Variants in RASGEF1C observed in about 807,000 individuals in gnomAD.
The protein encoded by RASGEF1C is ras-GEF domain-containing family member 1C.
Under a neutral mutation model 58.1 loss-of-function variants are expected in RASGEF1C, and 27 were observed. That is an observed-to-expected ratio of 0.46 (90% CI 0.34 to 0.64). The LOEUF (loss-of-function observed/expected upper bound fraction) is 0.64, where lower values mean the gene tolerates loss of function less well. Ranked by LOEUF, RASGEF1C falls within the 30% of genes least tolerant of loss-of-function variation. The pLI, the probability that RASGEF1C is intolerant of heterozygous loss-of-function variation, is 0.01. For synonymous variants in RASGEF1C, 243 were observed against 246.3 expected (o/e 0.99, Z 0.13); for missense variants, 502 against 605.1 (o/e 0.83, Z 1.79).
At chr5:180,130,460 A>G (rs1315472356) in intron 4 of RASGEF1C, among the ~76,000 whole-genome samples, 1 of 152,152 alleles carries the variant, frequency 6.6e-6, no homozygotes, top group Non-Finnish European at 1.5e-5. Flanking sequence ...TGGCCCTTCC[A>G]CGGACCTCCT....
chr5:180,165,644 C>T (rs1286733508), intron 1 of RASGEF1C, among the ~76,000 whole-genome samples: 1 of 147,340 alleles, frequency 6.8e-6, no homozygotes, highest in Non-Finnish European at 1.5e-5. Context: ...GCACTCCAGC[C>T]TGGGCAACAG....
chr5:180,126,165 T>C (rs1313964629), intron 6 of RASGEF1C, among the ~76,000 whole-genome samples: 1 of 152,290 alleles, frequency 6.6e-6, no homozygotes, highest in East Asian at 1.9e-4. Flanking sequence ...CCCAGCACTT[T>C]GGGAGGCCGA....
chr5:180,122,324 G>A (rs1158991729), intron 6 of RASGEF1C, among the ~76,000 whole-genome samples: 2 of 152,084 alleles, frequency 1.3e-5, no homozygotes, highest in Admixed American at 6.5e-5. Flanking sequence ...CTTGCTATGC[G>A]AACCTTTCCC....
At chr5:180,188,356 T>G (rs1385897937) in intron 1 of RASGEF1C, among the ~76,000 whole-genome samples, 1 of 152,218 alleles carries the variant, frequency 6.6e-6, no homozygotes. Flanking sequence ...CTAATGAGTA[T>G]AAAATGTTCT....
intron 1 of RASGEF1C, among the ~76,000 whole-genome samples, chr5:180,169,997 A>G (rs1461074056): frequency 6.6e-6 from 1 of 152,132 alleles, no homozygotes; most frequent in African/African-American, 2.4e-5. Flanking sequence ...CTGGCTGCCC[A>G]GCCGCTCTCC....
At chr5:180,121,330 T>C (rs532586689) in intron 6 of RASGEF1C, among the ~76,000 whole-genome samples, 181 bp from the exon 7 acceptor site, 2 of 152,208 alleles carry the variant, frequency 1.3e-5, no homozygotes, top group South Asian at 2.1e-4. Flanking sequence ...TTTTTTTTTT[T>C]TGAGACGGAG....
intron 11 of RASGEF1C, among the ~76,000 whole-genome samples, chr5:180,113,762 C>T (rs1224268629): frequency 6.0e-5 from 9 of 150,314 alleles, no homozygotes; most frequent in Non-Finnish European, 1.3e-4. Context: ...ACGGAGGGAC[C>T]GGGGATGGAC....
At position 180,143,982 on chromosome 5, in the gene RASGEF1C, C is replaced by T. The variant is rs1416637562; in HGVS notation, c.-6-5924G>A. Reference sequence around the variant, plus strand: ...CGAAGGCCCCTGTGAGGACCACGCGCGTGTCTCAGGAAGACACCTGTGAGC... The same window carrying T: ...CGAAGGCCCCTGTGAGGACCACGCGTGTGTCTCAGGAAGACACCTGTGAGC... On this transcript the variant is annotated intron_variant, in intron 1 of 13. Transcript: ENST00000361132. This position sits in a 1 kb window ranked among gnomAD's most constrained non-coding sequence, Gnocchi z 4.3. 4.6e-5 allele frequency among the ~76,000 whole-genome samples: 7 copies of T among 152,130 alleles called. No homozygotes were observed. Among genetic ancestry groups the T allele is most frequent in the East Asian group, 3.9e-4 (2 of 5,186 alleles).
intron 6 of RASGEF1C, among the ~76,000 whole-genome samples, chr5:180,125,912 G>A (rs914775773): frequency 1.3e-5 from 2 of 152,100 alleles, no homozygotes; most frequent in East Asian, 3.9e-4. Context: ...TTTTGAGAAC[G>A]GACACCCTAC....
chr5:180,174,625 TGTGTGTGTGTGTGC>T (rs1767191812), intron 1 of RASGEF1C, among the ~76,000 whole-genome samples: 1 of 103,894 alleles, frequency 9.6e-6, no homozygotes, highest in Non-Finnish European at 2.0e-5. Context: ...TGTCTGTGTG[TGTGTGTGTGTGTGC>T]GTGCATGTGT....
chr5:180,190,276 A>G (rs1581127663), intron 1 of RASGEF1C, among the ~76,000 whole-genome samples: 1 of 151,832 alleles, frequency 6.6e-6, no homozygotes, highest in African/African-American at 2.4e-5. Flanking sequence ...TCACGAGGTT[A>G]GGAGATCGAG....
At chr5:180,107,268 A>G (rs1561728879) in intron 12 of RASGEF1C, among the ~76,000 whole-genome samples, 1 of 152,154 alleles carries the variant, frequency 6.6e-6, no homozygotes. Flanking sequence ...TAATGTAATT[A>G]TTAGTATGTT....
intron 4 of RASGEF1C, among the ~76,000 whole-genome samples, chr5:180,131,106 T>C (rs1169174507): frequency 6.6e-6 from 1 of 152,070 alleles, no homozygotes. Context: ...GCACTGGCCT[T>C]CTTAATGCCC....
chr5:180,207,615 G>A (rs114841132), intron 1 of RASGEF1C, among the ~76,000 whole-genome samples: 16,006 of 152,032 alleles, frequency 0.11, 1,023 homozygotes, highest in Non-Finnish European at 0.13. Flanking sequence ...GGGCTCCGCA[G>A]CCCGTCCCTC....
chr5:180,127,402 T>C (rs1306626469), intron 6 of RASGEF1C, among the ~76,000 whole-genome samples: 1 of 152,180 alleles, frequency 6.6e-6, no homozygotes, highest in Non-Finnish European at 1.5e-5. Context: ...GTCCCGCACG[T>C]CCAGGCTTTC....
intron 1 of RASGEF1C, among the ~76,000 whole-genome samples, chr5:180,191,255 C>T (rs894445450): frequency 2.0e-5 from 3 of 152,188 alleles, no homozygotes; most frequent in African/African-American, 7.2e-5. Context: ...TAAATGTGAA[C>T]CTACCATTTA....
At chr5:180,108,265 G>A (rs1192644451) in intron 12 of RASGEF1C, among the ~76,000 whole-genome samples, 26 of 149,702 alleles carry the variant, frequency 1.7e-4, no homozygotes, top group African/African-American at 5.4e-4. Flanking sequence ...GCAGTGGTGC[G>A]ATCTCGGCTC....
At chr5:180,136,883 TC>T in intron 3 of RASGEF1C, 1 of 236,714 alleles carries the variant, frequency 4.2e-6, no homozygotes, top group Non-Finnish European at 8.2e-6. Context: ...AGTGATTGGC[TC>T]ACAGGTGGCC....
At chr5:180,180,593 C>T (rs1475873414) in intron 1 of RASGEF1C, among the ~76,000 whole-genome samples, 1 of 152,234 alleles carries the variant, frequency 6.6e-6, no homozygotes, top group East Asian at 1.9e-4. Context: ...AAGCCGCTGC[C>T]CCAGACTGGC....
Sources: gnomAD v4.1 joint callset for allele counts (sites outside exome capture counted in the v4.1 genomes callset) on GRCh38, gnomAD v4.1.1 for gene constraint, Gnocchi (gnomAD v3.1) non-coding constraint, MANE v1.5 for transcripts, NCBI Gene and HGNC (gene_info 2026-07-23, HGNC 2026-07-21) for gene names.